SOAT1: variants seen among roughly 807,000 people sequenced by gnomAD.
SOAT1 encodes the protein acyl-coenzyme A:cholesterol acyltransferase 1.
Under a neutral mutation model 69.5 loss-of-function variants are expected in SOAT1, and 55 were observed. The ratio of observed to expected loss-of-function variants is 0.79; its 90% CI spans 0.64 to 0.99. The LOEUF (loss-of-function observed/expected upper bound fraction) is 0.99. Ranked by LOEUF, SOAT1 falls within the 50% of genes least tolerant of loss-of-function variation. SOAT1 has a pLI of 0.00. For missense variants in SOAT1, 580 were observed against 669.3 expected, an observed-to-expected ratio of 0.87 and a Z score of 1.47; for synonymous variants, 231 against 224.7, an observed-to-expected ratio of 1.03 and a Z score of -0.25.
chr1:179,351,238 T>G, intron 14 of SOAT1, 79 bp from the exon 15 acceptor site: 1 of 1,241,438 alleles, frequency 8.1e-7, no homozygotes, highest in Non-Finnish European at 1.2e-6. Context: ...GAGATGGGGT[T>G]TCACCATGTT....
intron 15 of SOAT1, among the ~76,000 whole-genome samples, chr1:179,352,439 G>A (rs751508654): frequency 3.9e-5 from 6 of 151,976 alleles, no homozygotes; most frequent in Non-Finnish European, 8.8e-5. Context: ...AGGATTGCCA[G>A]GCTTTTTGTG....
intron 3 of SOAT1, among the ~76,000 whole-genome samples, chr1:179,324,582 G>A (rs930146808): frequency 1.3e-5 from 2 of 152,186 alleles, no homozygotes; most frequent in Non-Finnish European, 2.9e-5. Flanking sequence ...TTAATAGGGT[G>A]TTAAACTTTA....
chr1:179,315,930 GA>G (rs1417126904), intron 2 of SOAT1, among the ~76,000 whole-genome samples: 1 of 152,132 alleles, frequency 6.6e-6, no homozygotes, highest in Non-Finnish European at 1.5e-5. Flanking sequence ...TCTGGTCATA[GA>G]ACTAAATTAA....
intron 2 of SOAT1, among the ~76,000 whole-genome samples, chr1:179,318,979 A>T (rs1665494636): frequency 6.6e-6 from 1 of 152,116 alleles, no homozygotes; most frequent in Non-Finnish European, 1.5e-5. Flanking sequence ...CCTAGGTCTT[A>T]TGTTGGCTCT....
intron 6 of SOAT1, 86 bp from the exon 7 acceptor site, chr1:179,340,942 T>C (rs1050574206): frequency 8.1e-7 from 1 of 1,230,252 alleles, no homozygotes; most frequent in East Asian, 2.4e-5. Context: ...GTTGAAAGTT[T>C]GGTGTTTGAA....
At chr1:179,317,524 C>T (rs1242233150) in intron 2 of SOAT1, among the ~76,000 whole-genome samples, 3 of 134,130 alleles carry the variant, frequency 2.2e-5, no homozygotes, top group African/African-American at 8.2e-5. Context: ...CAGAGCGAGA[C>T]TCCGTCTCAA....
At chr1:179,317,507 T>C (rs1665435807) in intron 2 of SOAT1, among the ~76,000 whole-genome samples, 1 of 135,074 alleles carries the variant, frequency 7.4e-6, no homozygotes, top group Admixed American at 9.0e-5. Flanking sequence ...CCCTCCAGCC[T>C]GGGTGACAGA....
chr1:179,305,499 G>A (rs1664973802), intron 2 of SOAT1, among the ~76,000 whole-genome samples: 1 of 151,908 alleles, frequency 6.6e-6, no homozygotes, highest in South Asian at 2.1e-4. Context: ...TATTTTGGGG[G>A]GGTTATTTAC....
intron 11 of SOAT1, 131 bp downstream of exon 11, chr1:179,345,207 C>G (rs2124997970): frequency 3.8e-6 from 3 of 787,234 alleles, no homozygotes; most frequent in East Asian, 2.6e-5. Flanking sequence ...ATCTTGACCT[C>G]TTTTGCATCT....
chr1:179,314,841 A>G (rs547080051), intron 2 of SOAT1, among the ~76,000 whole-genome samples: 14 of 152,328 alleles, frequency 9.2e-5, no homozygotes, highest in Admixed American at 9.2e-4. Context: ...AAACATTCCC[A>G]TTAAGTATAG....
chr1:179,336,732 C>G (rs147443688), intron 4 of SOAT1, among the ~76,000 whole-genome samples: 24 of 152,242 alleles, frequency 1.6e-4, no homozygotes, highest in African/African-American at 5.5e-4. Flanking sequence ...CATGGTGGCT[C>G]ACGCCTGTAA....
intron 11 of SOAT1, among the ~76,000 whole-genome samples, chr1:179,346,991 G>A (rs1184807812): frequency 1.3e-5 from 2 of 152,114 alleles, no homozygotes; most frequent in Non-Finnish European, 1.5e-5. Context: ...TTGTTTAAGA[G>A]GGGGGTATGG....
Position 179,356,873 on chromosome 1 carries a change from T to TG in SOAT1, c.*3240dup, listed in dbSNP as rs111855984. ...TTATTTGTTTTTTTTTTTTTAGAGA[T>TG]GGGGGGGGTCTCCCTATGTTGCCCA... On this transcript the variant is annotated 3_prime_UTR_variant, in exon 16 of 16. Transcript: ENST00000367619. 1,141 of 146,030 alleles carry TG rather than the reference T, an allele frequency of 7.8e-3. 9 individuals are homozygous for TG. The highest frequency in any genetic ancestry group is 0.018 in the Middle Eastern group (5 of 280). The allele number at this position is 146,030 out of a possible 1,614,324, so 9.0% of individuals were successfully genotyped here.
chr1:179,295,966 ATTTTTTTTTTTTTT>A (rs58893158), intron 1 of SOAT1, among the ~76,000 whole-genome samples: 22 of 52,022 alleles, frequency 4.2e-4, no homozygotes, highest in African/African-American at 1.3e-3. Context: ...CGCCCGGCTA[ATTTTTTTTTTTTTT>A]TTTTTTTTTT....
intron 2 of SOAT1, among the ~76,000 whole-genome samples, chr1:179,313,517 T>G (rs1221391342): frequency 1.3e-5 from 2 of 151,460 alleles, no homozygotes; most frequent in Non-Finnish European, 2.9e-5. Flanking sequence ...TGTGTATATA[T>G]GTGTATATAT....
chr1:179,338,052 T>A (rs1571443871), intron 5 of SOAT1, among the ~76,000 whole-genome samples, 156 bp downstream of exon 5: 1 of 152,156 alleles, frequency 6.6e-6, no homozygotes, highest in Admixed American at 6.5e-5. Flanking sequence ...CTTTCTGATC[T>A]TTTGGTTCTG....
At chr1:179,310,178 G>A (rs998197760) in intron 2 of SOAT1, among the ~76,000 whole-genome samples, 1 of 151,054 alleles carries the variant, frequency 6.6e-6, no homozygotes, top group Non-Finnish European at 1.5e-5. Flanking sequence ...GGGATTACAG[G>A]CATGAGCCAC....
intron 9 of SOAT1, 50 bp from the exon 10 acceptor site, chr1:179,343,540 A>T: frequency 6.7e-7 from 1 of 1,502,472 alleles, no homozygotes. Context: ...TCTTTATTCA[A>T]GTTCAATTAC....
intron 7 of SOAT1, 93 bp from the exon 8 acceptor site, chr1:179,342,021 T>A: frequency 1.3e-6 from 2 of 1,505,660 alleles, no homozygotes; most frequent in Non-Finnish European, 1.8e-6. Context: ...ATTTTCTGAC[T>A]TTACTGGCTA....
Sources: allele counts gnomAD v4.1 joint callset (sites outside exome capture counted in the v4.1 genomes callset), GRCh38; gene constraint gnomAD v4.1.1; transcripts MANE v1.5; gene names NCBI Gene and HGNC (gene_info 2026-07-23, HGNC 2026-07-21).